CNTNAP2: variants seen among roughly 807,000 people sequenced by gnomAD.
CNTNAP2 encodes contactin associated protein 2.
In CNTNAP2, 98 loss-of-function variants were observed where a neutral mutation model predicts 155.2. The ratio of observed to expected loss-of-function variants is 0.63; its 90% confidence interval spans 0.54 to 0.75. CNTNAP2 has a LOEUF of 0.75. Ranked by LOEUF, CNTNAP2 falls within the 30% of genes least tolerant of loss-of-function variation. CNTNAP2 has a pLI of 0.00. For synonymous variants in CNTNAP2, 651 were observed against 631.2 expected, an observed-to-expected ratio of 1.03 and a Z score of -0.47; for missense variants, 1,727 against 1,688.1, an observed-to-expected ratio of 1.02 and a Z score of -0.40.
chr7:147,829,091 C>A (rs1357903), intron 13 of CNTNAP2, among the ~76,000 whole-genome samples: 13,065 of 152,242 alleles, frequency 0.086, 769 homozygotes, highest in Admixed American at 0.15. Context: ...TAGTGTGTCC[C>A]AGTGACTGAA....
At chr7:147,177,848 G>A (rs926702446) in intron 8 of CNTNAP2, among the ~76,000 whole-genome samples, 1 of 152,062 alleles carries the variant, frequency 6.6e-6, no homozygotes, top group East Asian at 1.9e-4. Context: ...CAATTATGTA[G>A]CACAACCCTA....
chr7:146,288,345 G>C (rs1374964812), intron 1 of CNTNAP2, among the ~76,000 whole-genome samples: 1 of 151,752 alleles, frequency 6.6e-6, no homozygotes, highest in East Asian at 1.9e-4. Context: ...TTGACCTTTG[G>C]AGTGTACAAG....
chr7:147,016,218 A>G (rs1798720924), intron 3 of CNTNAP2, among the ~76,000 whole-genome samples: 1 of 151,828 alleles, frequency 6.6e-6, no homozygotes, highest in Admixed American at 6.6e-5. Context: ...ACCAGTGAGC[A>G]CTGTCAGTCT....
At chr7:147,385,308 A>G (rs6980110) in intron 9 of CNTNAP2, among the ~76,000 whole-genome samples, 3,841 of 152,136 alleles carry the variant, frequency 0.025, 185 homozygotes, top group African/African-American at 0.088. Flanking sequence ...TTCAAAACCA[A>G]TCATGCCTTC....
chr7:147,882,498 A>G (rs1304281506), intron 13 of CNTNAP2, among the ~76,000 whole-genome samples: 2 of 152,206 alleles, frequency 1.3e-5, no homozygotes, highest in Non-Finnish European at 2.9e-5. Context: ...GAACAGAGTT[A>G]CTTTGTGAGC....
At chr7:147,945,381 G>C (rs1800800190) in intron 14 of CNTNAP2, among the ~76,000 whole-genome samples, 1 of 152,002 alleles carries the variant, frequency 6.6e-6, no homozygotes, top group African/African-American at 2.4e-5. Flanking sequence ...AAGTTTCCCG[G>C]ATCTTTTCAA....
At chr7:147,674,044 A>G (rs1795829501) in intron 13 of CNTNAP2, among the ~76,000 whole-genome samples, 1 of 152,162 alleles carries the variant, frequency 6.6e-6, no homozygotes, top group African/African-American at 2.4e-5. Context: ...AGGTGTAATA[A>G]ACAAGAGACA....
chr7:148,242,569 G>C (rs192432063), intron 20 of CNTNAP2, among the ~76,000 whole-genome samples: 1 of 152,404 alleles, frequency 6.6e-6, no homozygotes, highest in East Asian at 1.9e-4. Flanking sequence ...CTAGGTTATA[G>C]CGCGGGTTAC....
chr7:147,075,137 AT>A (rs1799970674), intron 4 of CNTNAP2, among the ~76,000 whole-genome samples: 2 of 152,214 alleles, frequency 1.3e-5, no homozygotes, highest in African/African-American at 4.8e-5. Context: ...TAGTGAAAAG[AT>A]TGATACATGG....
chr7:146,874,776 A>G (rs1219473700), intron 3 of CNTNAP2, among the ~76,000 whole-genome samples: 1 of 152,352 alleles, frequency 6.6e-6, no homozygotes, highest in Non-Finnish European at 1.5e-5. Context: ...GTATGATAAC[A>G]CGACTTCTCA....
At chr7:146,899,127 C>G (rs1281192251) in intron 3 of CNTNAP2, among the ~76,000 whole-genome samples, 2 of 152,122 alleles carry the variant, frequency 1.3e-5, no homozygotes, top group South Asian at 4.1e-4. Flanking sequence ...GTGGATTACC[C>G]TCTTCCAGAG....
chr7:147,960,179 A>C (rs762310137), intron 14 of CNTNAP2, among the ~76,000 whole-genome samples: 1 of 152,136 alleles, frequency 6.6e-6, no homozygotes, highest in Non-Finnish European at 1.5e-5. Flanking sequence ...TCCCAAGGAC[A>C]CTATAACATA....
At chr7:148,024,883 G>A (rs1802349626) in intron 15 of CNTNAP2, among the ~76,000 whole-genome samples, 2 of 152,266 alleles carry the variant, frequency 1.3e-5, no homozygotes, top group East Asian at 1.9e-4. Flanking sequence ...TGTCTCACAA[G>A]CAGTCAGAGG....
intron 1 of CNTNAP2, among the ~76,000 whole-genome samples, chr7:146,220,369 C>G (rs1799186674): frequency 1.3e-5 from 2 of 152,018 alleles, no homozygotes; most frequent in Non-Finnish European, 2.9e-5. Context: ...TTAAAATTGT[C>G]TGTATTTGCC....
rs201176908 is a variant in CNTNAP2 at position 146,907,036 on chromosome 7, G to A, written c.402+67132G>A. Reference sequence around the variant, plus strand: ...GCCTCAGGAGCCGATGCGATCAACCGGAAGAAAGGGTATCAGCGATGGAAG... The same window carrying A: ...GCCTCAGGAGCCGATGCGATCAACCAGAAGAAAGGGTATCAGCGATGGAAG... On this transcript the variant is annotated intron_variant, in intron 3 of 23. Coordinates refer to ENST00000361727, the MANE Select transcript of CNTNAP2 (RefSeq NM_014141.6). Among the ~76,000 whole-genome samples the A allele has an allele frequency of 2.1e-3, 314 of 150,878 alleles. 8 individuals are homozygous for A. The East Asian group carries it at 0.031, about 15-fold the overall frequency.
At chr7:147,218,535 A>C (rs1803324514) in intron 8 of CNTNAP2, among the ~76,000 whole-genome samples, 1 of 150,622 alleles carries the variant, frequency 6.6e-6, no homozygotes, top group Admixed American at 6.6e-5. Flanking sequence ...CTTAATCTCC[A>C]TGTATTTTAG....
chr7:148,344,449 A>G (rs1798286867), intron 21 of CNTNAP2, among the ~76,000 whole-genome samples: 1 of 152,132 alleles, frequency 6.6e-6, no homozygotes, highest in South Asian at 2.1e-4. Context: ...ACCTTGCCCC[A>G]TCATTTCCTA....
intron 1 of CNTNAP2, among the ~76,000 whole-genome samples, chr7:146,152,116 G>T (rs958503490): frequency 3.3e-5 from 5 of 151,974 alleles, no homozygotes; most frequent in Admixed American, 1.3e-4. Flanking sequence ...ATCAATCTAT[G>T]TGTCCATCAA....
chr7:147,931,609 G>A (rs1800505136), intron 14 of CNTNAP2, among the ~76,000 whole-genome samples: 1 of 152,162 alleles, frequency 6.6e-6, no homozygotes, highest in African/African-American at 2.4e-5. Flanking sequence ...CAGGTAGGAA[G>A]AAGGATGTTT....
Sources: allele counts gnomAD v4.1 joint callset (sites outside exome capture counted in the v4.1 genomes callset), GRCh38; gene constraint gnomAD v4.1.1; transcripts MANE v1.5; gene names NCBI Gene and HGNC (gene_info 2026-07-23, HGNC 2026-07-21).